Variants in ZNF521 observed in about 807,000 individuals in gnomAD.
ZNF521 encodes zinc finger protein 521.
ZNF521 carries 14 observed loss-of-function variants against 105.5 expected under a neutral mutation model. The observed-to-expected ratio is 0.13, with a 90% CI of 0.09 to 0.21. The LOEUF (loss-of-function observed/expected upper bound fraction) is 0.21, where lower values mean the gene tolerates loss of function less well. Ranked by LOEUF, ZNF521 falls within the 10% of genes least tolerant of loss-of-function variation. The pLI, the probability that ZNF521 is intolerant of heterozygous loss-of-function variation, is 1.00. For synonymous variants in ZNF521, 635 were observed against 606.0 expected, an observed-to-expected ratio of 1.05 and a Z score of -0.70; for missense variants, 1,233 against 1,629.7, an observed-to-expected ratio of 0.76 and a Z score of 4.19.
chr18:25,197,347 T>C (rs572922573), intron 4 of ZNF521, among the ~76,000 whole-genome samples: 16 of 151,986 alleles, frequency 1.1e-4, no homozygotes, highest in African/African-American at 3.9e-4. Context: ...TACTTCACCA[T>C]ATTTTTCACA....
chr18:25,263,670 G>C (rs939009695), intron 3 of ZNF521, among the ~76,000 whole-genome samples: 4 of 152,180 alleles, frequency 2.6e-5, no homozygotes, highest in Non-Finnish European at 4.4e-5. Context: ...CTGCCTTCCG[G>C]GTTCAAGCCA....
intron 7 of ZNF521, among the ~76,000 whole-genome samples, chr18:25,065,951 G>C (rs936699406): frequency 6.6e-6 from 1 of 152,206 alleles, no homozygotes; most frequent in Non-Finnish European, 1.5e-5. Flanking sequence ...AAGGAGTTAT[G>C]TTTTGCATAT....
intron 2 of ZNF521, chr18:25,345,461 CTATTT>C (rs1439340122): frequency 1.3e-5 from 2 of 152,138 alleles, no homozygotes; most frequent in Non-Finnish European, 2.9e-5. Context: ...GTTCAGTATC[CTATTT>C]TTTGTCCTTT....
chr18:25,098,448 T>C (rs912676262), intron 5 of ZNF521, among the ~76,000 whole-genome samples: 2 of 152,080 alleles, frequency 1.3e-5, no homozygotes, highest in African/African-American at 4.8e-5. Flanking sequence ...TCATTTTTTT[T>C]TTATTAAAAA....
At chr18:25,308,039 T>C (rs2145095663) in intron 3 of ZNF521, among the ~76,000 whole-genome samples, 1 of 151,784 alleles carries the variant, frequency 6.6e-6, no homozygotes, top group Admixed American at 6.6e-5. Flanking sequence ...CCATCTCTAC[T>C]AAAAATATAA....
chr18:25,329,862 G>A (rs1047646990), intron 2 of ZNF521, among the ~76,000 whole-genome samples: 1 of 152,042 alleles, frequency 6.6e-6, no homozygotes, highest in Non-Finnish European at 1.5e-5. Context: ...GAGGCTACAG[G>A]GTAAACCAGG....
At chr18:25,231,860 T>A (rs2144757749) in intron 3 of ZNF521, among the ~76,000 whole-genome samples, 1 of 152,302 alleles carries the variant, frequency 6.6e-6, no homozygotes, top group Admixed American at 6.5e-5. Flanking sequence ...CTGAAATTAT[T>A]CAAGAGAAAC....
At chr18:25,074,066 G>GTGTGTGCACA (rs1409291132) in intron 7 of ZNF521, among the ~76,000 whole-genome samples, 2 of 151,502 alleles carry the variant, frequency 1.3e-5, no homozygotes, top group African/African-American at 4.8e-5. Context: ...GTGTGCGCAC[G>GTGTGTGCACA]CGTGTGTGCG....
chr18:25,160,674 C>A (rs948127470), intron 5 of ZNF521, among the ~76,000 whole-genome samples: 2 of 152,124 alleles, frequency 1.3e-5, no homozygotes, highest in African/African-American at 4.8e-5. Flanking sequence ...TTTGTACATT[C>A]CCGTGGTGAG....
At chr18:25,070,013 C>A (rs1007592166) in intron 7 of ZNF521, among the ~76,000 whole-genome samples, 1 of 152,106 alleles carries the variant, frequency 6.6e-6, no homozygotes, top group Non-Finnish European at 1.5e-5. Flanking sequence ...TTTAACAGTT[C>A]ACATGGGCTT....
intron 5 of ZNF521, among the ~76,000 whole-genome samples, chr18:25,117,090 C>CACACACACACACACAA (rs56408075): frequency 4.2e-5 from 6 of 143,030 alleles, no homozygotes; most frequent in Non-Finnish European, 6.0e-5. Flanking sequence ...CACATACACA[C>CACACACACACACACAA]ATCCTTAATT....
Position 25,104,665 on chromosome 18 carries a change from C to T in ZNF521, c.3659-12584G>A, listed in dbSNP as rs565435496. Among the ~76,000 whole-genome samples, 8 of 152,188 alleles carry T rather than the reference C, an allele frequency of 5.3e-5. 1 individual carries two copies. The highest frequency in any genetic ancestry group is 2.0e-4 in the Admixed American group (3 of 15,246). ...TTAAATTTGACAATCTGGAGAAAAG[C>T]GAATACCTTTATATAATTTTGTGGA... On this transcript the variant is annotated intron_variant, in intron 5 of 7. Coordinates refer to ENST00000361524, the MANE Select transcript of ZNF521 (RefSeq NM_015461.3).
intron 5 of ZNF521, among the ~76,000 whole-genome samples, chr18:25,113,751 A>AGGAT (rs1555635294): frequency 1.6e-4 from 21 of 131,584 alleles, no homozygotes; most frequent in African/African-American, 4.3e-4. Flanking sequence ...GGCAGACCGA[A>AGGAT]GGACGGACGG....
chr18:25,123,359 TAAAG>T lies in ZNF521; in HGVS notation c.3659-31282_3659-31279del, dbSNP rs1470100105. On this transcript the variant is annotated intron_variant, in intron 5 of 7. Transcript: ENST00000361524. ...AGTTTAAAAGAAAACACAGAAATGATAAAGAAAATGACATAAGGACAAAAGGGAA... is the reference window on the plus strand; with the variant it reads ...AGTTTAAAAGAAAACACAGAAATGATAAAATGACATAAGGACAAAAGGGAA... Among the ~76,000 whole-genome samples the T allele has an allele frequency of 4.6e-5, 7 of 152,116 alleles. 1 individual carries two copies. The highest frequency in any genetic ancestry group is 1.7e-4 in the African/African-American group (7 of 41,496).
intron 2 of ZNF521, among the ~76,000 whole-genome samples, chr18:25,331,185 A>G (rs1476598323): frequency 2.6e-5 from 4 of 152,212 alleles, no homozygotes; most frequent in Non-Finnish European, 4.4e-5. Context: ...CTGTAGTTCC[A>G]TGCTCAATCT....
At chr18:25,109,409 A>G (rs1312081940) in intron 5 of ZNF521, among the ~76,000 whole-genome samples, 1 of 152,198 alleles carries the variant, frequency 6.6e-6, no homozygotes, top group Admixed American at 6.5e-5. Flanking sequence ...TAGTGCTGCA[A>G]TAACACAGGT....
At chr18:25,098,598 G>C (rs2033901973) in intron 5 of ZNF521, among the ~76,000 whole-genome samples, 1 of 152,158 alleles carries the variant, frequency 6.6e-6, no homozygotes, top group Non-Finnish European at 1.5e-5. Context: ...GAAAAGGCAA[G>C]GGCAGGGATA....
At chr18:25,148,017 G>GGACACAC (rs1427438300) in intron 5 of ZNF521, among the ~76,000 whole-genome samples, 1 of 152,060 alleles carries the variant, frequency 6.6e-6, no homozygotes, top group Non-Finnish European at 1.5e-5. Flanking sequence ...CCAGCAGCAG[G>GGACACAC]GACACACCAA....
chr18:25,279,439 T>C (rs1371544608), intron 3 of ZNF521, among the ~76,000 whole-genome samples: 3 of 152,206 alleles, frequency 2.0e-5, no homozygotes, highest in East Asian at 3.8e-4. Flanking sequence ...CAAAAACAAA[T>C]GTACTTGGCT....
Sources: gnomAD v4.1 joint callset for allele counts (sites outside exome capture counted in the v4.1 genomes callset) on GRCh38, gnomAD v4.1.1 for gene constraint, MANE v1.5 for transcripts, NCBI Gene and HGNC (gene_info 2026-07-23, HGNC 2026-07-21) for gene names.